DNAH5: variants seen among roughly 807,000 people sequenced by gnomAD.
The protein encoded by DNAH5 is axonemal beta dynein heavy chain 5.
In DNAH5, 372 loss-of-function variants were observed where a neutral mutation model predicts 518.2. The observed-to-expected ratio is 0.72, with a 90% CI of 0.66 to 0.78. DNAH5 has a LOEUF of 0.78. DNAH5 is among the 30% of genes least tolerant of loss of function. The probability of loss-of-function intolerance (pLI) is 0.00; values close to 1 mark genes in which losing one functional copy is unlikely to be tolerated. For synonymous variants in DNAH5, 2,039 were observed against 2,025.9 expected (o/e 1.01, Z -0.17); for missense variants, 5,523 against 5,687.0 (o/e 0.97, Z 0.93).
chr5:13,723,039 C>T (rs1303167202), intron 70 of DNAH5, among the ~76,000 whole-genome samples: 1 of 152,198 alleles, frequency 6.6e-6, no homozygotes, highest in African/African-American at 2.4e-5. Context: ...TGACCTTCCT[C>T]TCTATTAGTT....
Position 13,868,127 on chromosome 5 carries a change from T to C in DNAH5, c.3835-135A>G. On this transcript the variant is annotated intron_variant, in intron 24 of 78. Transcript: ENST00000265104. ...CCCTGAGAGTTCTAGTTATTCTACT[T>C]CAAACCGCAAGAGGTTAACTGTGCA... 8 of 758,666 alleles carry C rather than the reference T, an allele frequency of 1.1e-5. No individual in the cohort carries two copies. The South Asian group carries it at 1.3e-4, about 12-fold the overall frequency. 47.0% of individuals were successfully genotyped at this position (758,666 alleles called of 1,614,324 possible).
In DNAH5 at chr5:13,873,903, T is replaced by C. The variant is rs111254159; in HGVS notation, c.3397-2138A>G. ...CATCTGCATGAAAAACAAATTTAGC[T>C]GATAAAGAATAAACAGTGCAATTAT... On this transcript the variant is annotated intron_variant, in intron 22 of 78. Transcript: ENST00000265104. Among the ~76,000 whole-genome samples, 1,467 of 152,276 alleles carry C rather than the reference T, an allele frequency of 9.6e-3. 23 individuals are homozygous for C. Among genetic ancestry groups the C allele is most frequent in the African/African-American group, 0.033 (1,357 of 41,546 alleles).
chr5:13,835,855 T>C (rs1055640866), intron 35 of DNAH5, among the ~76,000 whole-genome samples: 4 of 152,192 alleles, frequency 2.6e-5, no homozygotes, highest in Admixed American at 2.0e-4. Flanking sequence ...GTAGCGTTTA[T>C]CTAATCGGCA....
At chr5:13,730,445 T>TTTCC (rs1264614694) in intron 68 of DNAH5, among the ~76,000 whole-genome samples, 3 of 152,036 alleles carry the variant, frequency 2.0e-5, no homozygotes, top group Admixed American at 6.6e-5. Context: ...TCTTTCTTTC[T>TTTCC]TTCTTTTGAG....
chr5:13,841,916 A>G lies in DNAH5; in HGVS notation c.5272-12T>C. On this transcript the variant is annotated splice_polypyrimidine_tract_variant and intron_variant, in intron 32 of 78. Coordinates refer to ENST00000265104, the MANE Select transcript of DNAH5 (RefSeq NM_001369.3). ...ATTCGATCATAGATCTATGTTAGAA[A>G]CCAAAAAAAAAAAAAAAAAAAGCTA... is the stretch of plus-strand genomic sequence containing the variant. The G allele has an allele frequency of 1.0e-6, 1 of 976,066 alleles. No homozygotes were observed. The highest frequency in any genetic ancestry group is 2.6e-5 in the Admixed American group (1 of 38,710). 60.5% of individuals were successfully genotyped at this position (976,066 alleles called of 1,614,324 possible).
intron 55 of DNAH5, among the ~76,000 whole-genome samples, chr5:13,771,538 A>G (rs1438209393): frequency 6.6e-6 from 1 of 152,166 alleles, no homozygotes; most frequent in Admixed American, 6.5e-5. Flanking sequence ...ATGTTTGGGT[A>G]AAAAGTCTCC....
chr5:13,938,820 C>T (rs1156873247), intron 1 of DNAH5, among the ~76,000 whole-genome samples: 1 of 152,154 alleles, frequency 6.6e-6, no homozygotes, highest in African/African-American at 2.4e-5. Flanking sequence ...GCTAACGAAA[C>T]CAAGGACATG....
At chr5:13,982,105 C>G (rs929265400) in intron 1 of DNAH5, among the ~76,000 whole-genome samples, 4 of 152,250 alleles carry the variant, frequency 2.6e-5, no homozygotes, top group Non-Finnish European at 4.4e-5. Context: ...AAACACTGTG[C>G]TGCCAAACTG....
At chr5:13,872,849 G>C (rs903509658) in intron 22 of DNAH5, among the ~76,000 whole-genome samples, 1 of 151,914 alleles carries the variant, frequency 6.6e-6, no homozygotes, top group Non-Finnish European at 1.5e-5. Flanking sequence ...CCTGTCTTAA[G>C]AATATCTTTG....
intron 34 of DNAH5, 123 bp from the exon 35 acceptor site, chr5:13,839,651 C>A: frequency 1.2e-6 from 1 of 842,036 alleles, no homozygotes; most frequent in Non-Finnish European, 2.0e-6. Context: ...CGAACTATTT[C>A]ACAGGTGTCA....
intron 49 of DNAH5, 37 bp from the exon 50 acceptor site, chr5:13,792,254 T>A: frequency 6.4e-7 from 1 of 1,552,720 alleles, no homozygotes. Context: ...TGATTAGCCA[T>A]TCAAAGAAAT....
chr5:14,003,140 T>C (rs964465351), intron 1 of DNAH5, among the ~76,000 whole-genome samples: 1 of 152,240 alleles, frequency 6.6e-6, no homozygotes, highest in African/African-American at 2.4e-5. Flanking sequence ...TTTTTCATTT[T>C]GTCTTAATAG....
Position 13,931,142 on chromosome 5 carries a change from C to A in DNAH5, c.160G>T (p.Glu54Ter). 6.2e-7 allele frequency: 1 copy of A among 1,614,114 alleles called. No individual in the cohort carries two copies. Among genetic ancestry groups the A allele is most frequent in the Non-Finnish European group, 8.5e-7 (1 of 1,179,972 alleles). Residue 54 changes from glutamate (E) to a stop codon, truncating the protein, a stop_gained, in exon 2 of 79, where the codon GAA becomes TAA. Transcript: ENST00000265104. LOFTEE classifies it high-confidence loss of function. ...VASCLDLNKT[E>*]VEDAILEGNQ... ...CCTTCAAGAATGGCATCCTCCACTT[C>A]GGTTTTGTTCAGGTCCAAACAGGAA...
intron 35 of DNAH5, among the ~76,000 whole-genome samples, chr5:13,834,256 T>G (rs1764072320): frequency 6.6e-6 from 1 of 152,104 alleles, no homozygotes; most frequent in Admixed American, 6.6e-5. Context: ...TACAAGACAA[T>G]GAACACAGTG....
At chr5:13,790,731 C>A (rs916318325) in intron 50 of DNAH5, among the ~76,000 whole-genome samples, 15 of 152,150 alleles carry the variant, frequency 9.9e-5, no homozygotes, top group African/African-American at 3.4e-4. Context: ...TTTCCTGAGG[C>A]CTCCCCAGAC....
chr5:13,988,868 A>G (rs1489284353), intron 1 of DNAH5, among the ~76,000 whole-genome samples: 1 of 151,802 alleles, frequency 6.6e-6, no homozygotes, highest in African/African-American at 2.4e-5. Context: ...CTGGGATTAC[A>G]GGTGCCTGCC....
intron 1 of DNAH5, among the ~76,000 whole-genome samples, chr5:13,965,819 A>T (rs1001872069): frequency 6.6e-6 from 1 of 152,148 alleles, no homozygotes; most frequent in East Asian, 1.9e-4. Context: ...TTTTTATTTC[A>T]ATAGGTATTT....
chr5:13,900,248 G>C lies in DNAH5; in HGVS notation c.2217C>G (p.Phe739Leu), dbSNP rs759404291. The C allele has an allele frequency of 2.0e-5, 32 of 1,613,972 alleles. No homozygotes were observed. The highest frequency in any genetic ancestry group is 2.6e-5 in the Non-Finnish European group (31 of 1,179,964). The change falls in exon 15 of 79, where the codon TTC (phenylalanine) becomes TTG (leucine). Residue 739 changes from phenylalanine (F) to leucine (L), a missense_variant. Phe to Leu is a conservative substitution (Grantham distance 22). Transcript: ENST00000265104. ...TCCTTTTGTATCTATCTCGTTTCTG[G>C]AAGAGGGAAGTTGCCAGTGGAGAGA... ...LEVSPLATSL[F>L]QKRDRYKRNF...
chr5:13,838,773 A>T (rs115347140), intron 35 of DNAH5, among the ~76,000 whole-genome samples: 5,431 of 152,258 alleles, frequency 0.036, 137 homozygotes, highest in Middle Eastern at 0.061. Context: ...ATTGTCTTCC[A>T]CGAGACCAAT....
Sources: gnomAD v4.1 joint callset for allele counts (sites outside exome capture counted in the v4.1 genomes callset) on GRCh38, gnomAD v4.1.1 for gene constraint, MANE v1.5 for transcripts, NCBI Gene and HGNC (gene_info 2026-07-23, HGNC 2026-07-21) for gene names.